Variants in UGT1A7 observed in about 807,000 individuals in gnomAD.
The protein encoded by UGT1A7 is UDP-glucuronosyltransferase 1A7.
UGT1A7 carries 33 observed loss-of-function variants against 45.6 expected under a neutral mutation model. The observed-to-expected ratio is 0.72, with a 90% CI of 0.55 to 0.97. The LOEUF is 0.97. Among genes scored for constraint, UGT1A7 ranks in the 50% least tolerant of loss-of-function variants. The pLI is 0.00. For missense variants in UGT1A7, 684 were observed against 666.2 expected, an observed-to-expected ratio of 1.03 and a Z score of -0.29; for synonymous variants, 274 against 250.6, an observed-to-expected ratio of 1.09 and a Z score of -0.88.
rs765390164 is a variant in UGT1A7 at position 233,768,290 on chromosome 2, C to T, written c.1146C>T (p.Gly382=). ...SHGVYESICN[G]VPMVMMPLFG... is the part of the protein sequence containing the mutation. Reference sequence around the variant, plus strand: ...GTGTTTATGAAAGCATATGCAATGGCGTTCCCATGGTGATGATGCCCTTGT... The same window carrying T: ...GTGTTTATGAAAGCATATGCAATGGTGTTCCCATGGTGATGATGCCCTTGT... Residue 382 remains glycine, a synonymous_variant, in exon 4 of 5, where the codon GGC becomes GGT. Coordinates refer to ENST00000373426, the MANE Select transcript of UGT1A7 (RefSeq NM_019077.3). The T allele has an allele frequency of 5.0e-6, 8 of 1,614,064 alleles. No individual in the cohort carries two copies. Among genetic ancestry groups the T allele is most frequent in the African/African-American group, 2.7e-5 (2 of 74,922 alleles).
chr2:233,727,334 C>G (rs2077606253), intron 1 of UGT1A7, among the ~76,000 whole-genome samples: 1 of 152,132 alleles, frequency 6.6e-6, no homozygotes, highest in South Asian at 2.1e-4. Context: ...GGAGCTCCTC[C>G]CTCCCCATAG....
intron 1 of UGT1A7, chr2:233,744,083 G>T: frequency 2.3e-6 from 1 of 437,754 alleles, no homozygotes; most frequent in South Asian, 2.0e-5. Flanking sequence ...CGCATCCCAA[G>T]ATGCAGTGCT....
chr2:233,713,461 G>C, intron 1 of UGT1A7: 1 of 1,614,080 alleles, frequency 6.2e-7, no homozygotes, highest in Non-Finnish European at 8.5e-7. Context: ...TTTCACCTCT[G>C]CGCGGCGGTG....
chr2:233,724,330 CG>C (rs1206363001), intron 1 of UGT1A7, among the ~76,000 whole-genome samples: 3 of 121,984 alleles, frequency 2.5e-5, no homozygotes, highest in Non-Finnish European at 3.5e-5. Context: ...GCTGGCCAGG[CG>C]GGGGGCTGAC....
chr2:233,755,016 T>C (rs1695690750), intron 1 of UGT1A7: 1 of 1,296,724 alleles, frequency 7.7e-7, no homozygotes, highest in Non-Finnish European at 1.0e-6. Context: ...CTCGAAGGGG[T>C]CCTTGAAGGG....
At chr2:233,685,186 A>G (rs2074727180) in intron 1 of UGT1A7, among the ~76,000 whole-genome samples, 1 of 152,130 alleles carries the variant, frequency 6.6e-6, no homozygotes, top group Admixed American at 6.5e-5. Flanking sequence ...TCAGGAGAAC[A>G]TTAAAACGGT....
chr2:233,687,064 A>G (rs571316372), intron 1 of UGT1A7, among the ~76,000 whole-genome samples: 13 of 152,344 alleles, frequency 8.5e-5, no homozygotes, highest in African/African-American at 2.9e-4. Context: ...GAGTCCTCCA[A>G]GCCTGATTTC....
intron 1 of UGT1A7, among the ~76,000 whole-genome samples, chr2:233,715,582 G>A (rs2076459243): frequency 6.6e-6 from 1 of 151,896 alleles, no homozygotes; most frequent in South Asian, 2.1e-4. Context: ...GAGCAGCCTG[G>A]GCAACATGCT....
chr2:233,707,103 C>T (rs1046537391), intron 1 of UGT1A7, among the ~76,000 whole-genome samples: 2 of 152,060 alleles, frequency 1.3e-5, no homozygotes, highest in Non-Finnish European at 1.5e-5. Flanking sequence ...AGCTGAGGGA[C>T]CCCCAAAATA....
chr2:233,715,132 C>A (rs2076434193), intron 1 of UGT1A7, among the ~76,000 whole-genome samples: 1 of 152,136 alleles, frequency 6.6e-6, no homozygotes, highest in Non-Finnish European at 1.5e-5. Flanking sequence ...GTGATTCACT[C>A]ACCTCAGCCT....
intron 1 of UGT1A7, chr2:233,753,711 A>G (rs577048191): frequency 6.6e-6 from 1 of 152,346 alleles, no homozygotes; most frequent in East Asian, 1.9e-4. Context: ...GGCTTTCATC[A>G]ACCTAATTTG....
At chr2:233,724,223 C>T (rs2077191141) in intron 1 of UGT1A7, among the ~76,000 whole-genome samples, 1 of 128,414 alleles carries the variant, frequency 7.8e-6, no homozygotes, top group Admixed American at 7.3e-5. Flanking sequence ...CCTCACTTCC[C>T]AGTAGGGGCG....
chr2:233,750,987 C>A (rs140441181), intron 1 of UGT1A7, among the ~76,000 whole-genome samples: 5 of 151,730 alleles, frequency 3.3e-5, no homozygotes, highest in African/African-American at 1.2e-4. Context: ...TGTGAGAAGG[C>A]GGCCACCATC....
At chr2:233,707,504 A>G (rs1253461322) in intron 1 of UGT1A7, among the ~76,000 whole-genome samples, 1 of 148,816 alleles carries the variant, frequency 6.7e-6, no homozygotes, top group Non-Finnish European at 1.5e-5. Flanking sequence ...GGTACTTAAC[A>G]TAAATAGAAT....
chr2:233,701,684 A>T (rs1575471996), intron 1 of UGT1A7, among the ~76,000 whole-genome samples: 1 of 152,382 alleles, frequency 6.6e-6, no homozygotes, highest in East Asian at 1.9e-4. Context: ...CTCAGAATTA[A>T]GAAAATCACT....
rs371827044 is a variant in UGT1A7, at chr2:233,728,641, A to G, written c.856-38393A>G. 1.3e-4 allele frequency among the ~76,000 whole-genome samples: 20 copies of G among 152,302 alleles called. No homozygotes were observed. The East Asian group carries it at 3.3e-3, about 25-fold the overall frequency. On this transcript the variant is annotated intron_variant, in intron 1 of 4. Transcript: ENST00000373426. ...GAGAAAGCTGGCTTAGCAATGTTGT[A>G]TGGTTTTTGGATGCGCTGCGTTACT...
chr2:233,772,292 C>A lies in UGT1A7; in HGVS notation c.1326C>A (p.Ser442Arg), dbSNP rs778015980. 2 of 1,614,246 alleles carry A rather than the reference C, an allele frequency of 1.2e-6. No homozygotes were observed. Among genetic ancestry groups the A allele is most frequent in the Admixed American group, 3.3e-5 (2 of 60,030 alleles). Residue 442 changes from serine (S) to arginine (R), a missense_variant, in exon 5 of 5, where the codon AGC becomes AGA. By Grantham distance (110) the Ser-to-Arg change is moderately radical (BLOSUM62 -1). Coordinates refer to ENST00000373426, the MANE Select transcript of UGT1A7 (RefSeq NM_019077.3). ...SYKENIMRLSSLHKDRPVEPL... is the reference protein window; with the variant it reads ...SYKENIMRLSRLHKDRPVEPL... ...AGGAGAACATCATGCGCCTCTCCAG[C>A]CTTCACAAGGACCGCCCGGTGGAGC... is the stretch of plus-strand genomic sequence containing the variant.
rs10445705 is a variant in UGT1A7 at position 233,768,141 on chromosome 2, G to A, written c.1076-79G>A. Reference sequence around the variant, plus strand: ...ATGTGAGTAACACTGAGTCTTTGGAGTGTTTTCAGAACCTAGATGTGTCCA... The same window carrying A: ...ATGTGAGTAACACTGAGTCTTTGGAATGTTTTCAGAACCTAGATGTGTCCA... On this transcript the variant is annotated intron_variant, in intron 3 of 4. Coordinates refer to ENST00000373426, the MANE Select transcript of UGT1A7 (RefSeq NM_019077.3). The A allele has an allele frequency of 3.8e-3, 6,135 of 1,610,076 alleles. 218 individuals carry two copies. The African/African-American group carries it at 0.07, about 18-fold the overall frequency.
At chr2:233,745,413 T>G (rs902285196) in intron 1 of UGT1A7, among the ~76,000 whole-genome samples, 5 of 151,802 alleles carry the variant, frequency 3.3e-5, no homozygotes, top group East Asian at 3.8e-4. Flanking sequence ...TGGATTCTTT[T>G]CTTTGATAAA....
Sources: allele counts gnomAD v4.1 joint callset (sites outside exome capture counted in the v4.1 genomes callset), GRCh38; gene constraint gnomAD v4.1.1; transcripts MANE v1.5; gene names NCBI Gene and HGNC (gene_info 2026-07-23, HGNC 2026-07-21).